Variants in ANK1 observed in about 807,000 individuals in gnomAD.
The protein encoded by ANK1 is ankyrin-1.
Under a neutral mutation model 210.4 loss-of-function variants are expected in ANK1, and 51 were observed. The observed-to-expected ratio is 0.24, with a 90% CI of 0.19 to 0.31. The LOEUF is 0.31. Ranked by LOEUF, ANK1 falls within the 10% of genes least tolerant of loss-of-function variation. The pLI is 1.00. For synonymous variants in ANK1, 967 were observed against 1,025.9 expected (o/e 0.94, Z 1.10); for missense variants, 2,051 against 2,504.4 (o/e 0.82, Z 3.86).
At chr8:41,815,288 T>A (rs1031114714) in intron 1 of ANK1, among the ~76,000 whole-genome samples, 5 of 152,130 alleles carry the variant, frequency 3.3e-5, no homozygotes, top group Middle Eastern at 3.2e-3. Flanking sequence ...CTCTTTTTTT[T>A]AAGGCAGATC....
At chr8:41,701,353 C>T (rs79074307) in intron 22 of ANK1, among the ~76,000 whole-genome samples, 197 bp downstream of exon 22, 87 of 152,320 alleles carry the variant, frequency 5.7e-4, no homozygotes, top group Non-Finnish European at 9.0e-4. Flanking sequence ...AATGTTCCCT[C>T]ACCTAAGTAT....
intron 1 of ANK1, among the ~76,000 whole-genome samples, chr8:41,776,349 GT>G (rs1026728570): frequency 3.9e-5 from 6 of 152,154 alleles, no homozygotes; most frequent in African/African-American, 1.4e-4. Flanking sequence ...GCCCTCCAGG[GT>G]TTAATGAGCG....
intron 1 of ANK1, among the ~76,000 whole-genome samples, chr8:41,857,651 T>C (rs755671104): frequency 3.4e-4 from 51 of 150,870 alleles, no homozygotes; most frequent in Admixed American, 7.3e-4. Flanking sequence ...GGCAGGAGAA[T>C]CACTTGAACC....
At chr8:41,866,059 T>C (rs963362562) in intron 1 of ANK1, among the ~76,000 whole-genome samples, 1 of 152,248 alleles carries the variant, frequency 6.6e-6, no homozygotes, top group Admixed American at 6.5e-5. Context: ...ACTATGCACA[T>C]ACCCTTCAGT....
intron 2 of ANK1, among the ~76,000 whole-genome samples, chr8:41,743,964 G>A (rs1835427420): frequency 6.6e-6 from 1 of 152,212 alleles, no homozygotes; most frequent in African/African-American, 2.4e-5. Flanking sequence ...AGGAACCAGG[G>A]ATCTTTGGAG....
chr8:41,664,300 C>G (rs1413387860), intron 39 of ANK1: 1 of 378,400 alleles, frequency 2.6e-6, no homozygotes, highest in Non-Finnish European at 5.2e-6. Context: ...AGCGAGCCCC[C>G]ATCTCTACAA....
chr8:41,767,556 A>G (rs1842120885), intron 1 of ANK1, among the ~76,000 whole-genome samples: 1 of 152,094 alleles, frequency 6.6e-6, no homozygotes, highest in Non-Finnish European at 1.5e-5. Context: ...GCCTGCCGCT[A>G]ATGGGATCTC....
At chr8:41,703,398 A>ATGTG (rs1350275887) in intron 20 of ANK1, among the ~76,000 whole-genome samples, 29 of 93,254 alleles carry the variant, frequency 3.1e-4, no homozygotes, top group African/African-American at 1.2e-3. Flanking sequence ...ATATATATGT[A>ATGTG]TATGTGTGTG....
intron 1 of ANK1, among the ~76,000 whole-genome samples, chr8:41,831,102 C>T (rs537041790): frequency 1.3e-5 from 2 of 152,282 alleles, no homozygotes; most frequent in South Asian, 4.1e-4. Context: ...GCCTGGGAGA[C>T]AGGAGACGAG....
chr8:41,741,795 G>A (rs1011533145), intron 2 of ANK1, among the ~76,000 whole-genome samples: 10 of 152,178 alleles, frequency 6.6e-5, no homozygotes, highest in African/African-American at 2.2e-4. Flanking sequence ...CATTGTCGGG[G>A]TAGGAGCCAT....
At chr8:41,751,360 C>A (rs1343997052) in intron 2 of ANK1, among the ~76,000 whole-genome samples, 5 of 152,134 alleles carry the variant, frequency 3.3e-5, no homozygotes, top group Non-Finnish European at 2.9e-5. Flanking sequence ...CGGCTTGGAG[C>A]CCACCAGGAG....
At chr8:41,697,012 G>A (rs376455912) in intron 24 of ANK1, among the ~76,000 whole-genome samples, 173 of 152,264 alleles carry the variant, frequency 1.1e-3, no homozygotes, top group African/African-American at 3.9e-3. Context: ...CAGAGCCTTG[G>A]AATGGGTGGA....
chr8:41,691,707 T>C (rs1819316587), intron 31 of ANK1, among the ~76,000 whole-genome samples: 1 of 152,232 alleles, frequency 6.6e-6, no homozygotes, highest in Non-Finnish European at 1.5e-5. Context: ...AGAGATGACC[T>C]GGATAAATCC....
intron 34 of ANK1, 104 bp downstream of exon 34, chr8:41,688,407 C>T (rs1217470948): frequency 7.5e-6 from 11 of 1,466,600 alleles, no homozygotes; most frequent in East Asian, 4.6e-5. Context: ...ACTGGCTGAG[C>T]GAGCGGCACC....
chr8:41,797,715 C>A (rs1441720533), upstream of ANK1: 2 of 987,954 alleles, frequency 2.0e-6, no homozygotes, highest in African/African-American at 1.7e-5. The surrounding 1 kb of genome is among the most constrained non-coding windows in gnomAD (Gnocchi z 4.0). Context: ...CACGGGCGGG[C>A]GGAGGGGTGG....
chr8:41,876,015 T>TC (rs1016325159), intron 1 of ANK1, among the ~76,000 whole-genome samples: 6 of 151,876 alleles, frequency 4.0e-5, no homozygotes, highest in Non-Finnish European at 8.8e-5. Flanking sequence ...CGCGCGCACG[T>TC]CCCGCGACCT....
chr8:41,712,281 T>C (rs2150628174), intron 16 of ANK1, among the ~76,000 whole-genome samples: 1 of 152,306 alleles, frequency 6.6e-6, no homozygotes, highest in South Asian at 2.1e-4. Context: ...CTGCAGTGTG[T>C]TCATGGATGT....
intron 1 of ANK1, among the ~76,000 whole-genome samples, chr8:41,859,045 G>A (rs1305026531): frequency 2.0e-5 from 3 of 152,318 alleles, no homozygotes; most frequent in Admixed American, 2.0e-4. Flanking sequence ...TGGTGCCGCA[G>A]GAGAGCAGGG....
At chr8:41,684,259 C>G (rs1816998504) in intron 37 of ANK1, among the ~76,000 whole-genome samples, 1 of 152,242 alleles carries the variant, frequency 6.6e-6, no homozygotes, top group Non-Finnish European at 1.5e-5. Context: ...ATACACCACG[C>G]CCTGTGGGGA....
Sources: allele counts gnomAD v4.1 joint callset (sites outside exome capture counted in the v4.1 genomes callset), GRCh38; gene constraint gnomAD v4.1.1; non-coding constraint Gnocchi (gnomAD v3.1); transcripts MANE v1.5; gene names NCBI Gene and HGNC (gene_info 2026-07-23, HGNC 2026-07-21).